The following CABIN1 variants were observed in gnomAD, a reference collection of about 807,000 sequenced individuals.
The protein encoded by CABIN1 is calcineurin binding protein 1, also known as calcineurin-binding protein cabin-1.
CABIN1 carries 133 observed loss-of-function variants against 227.7 expected under a neutral mutation model. The observed-to-expected ratio is 0.58, with a 90% CI of 0.51 to 0.67. The LOEUF (loss-of-function observed/expected upper bound fraction) is 0.67, where lower values mean the gene tolerates loss of function less well. Ranked by LOEUF, CABIN1 falls within the 30% of genes least tolerant of loss-of-function variation. CABIN1 has a pLI of 0.00. For synonymous variants in CABIN1, 1,086 were observed against 1,155.1 expected, an observed-to-expected ratio of 0.94 and a Z score of 1.21; for missense variants, 2,408 against 2,852.5, an observed-to-expected ratio of 0.84 and a Z score of 3.55.
At chr22:24,128,409 G>A (rs1307631235) in intron 28 of CABIN1, among the ~76,000 whole-genome samples, 1 of 152,148 alleles carries the variant, frequency 6.6e-6, no homozygotes, top group African/African-American at 2.4e-5. Context: ...GGAATGGTTG[G>A]CTTTAAGTCT....
At chr22:24,176,721 C>T (rs1267717986) in intron 35 of CABIN1, among the ~76,000 whole-genome samples, 3 of 152,156 alleles carry the variant, frequency 2.0e-5, no homozygotes, top group Non-Finnish European at 4.4e-5. Context: ...CAGGCGTCCC[C>T]GTCGACAGCC....
Position 24,024,240 on chromosome 22 carries a change from A to G in CABIN1, c.-74-11204A>G, listed in dbSNP as rs555400618. ...TTTAAGTTTTAGGGTACATGTGCAC[A>G]TTGTGCAGGTTAGTTACATATGTAT... On this transcript the variant is annotated intron_variant, in intron 1 of 36. Coordinates refer to ENST00000263119, the MANE Select transcript of CABIN1 (RefSeq NM_012295.4). 1.5e-3 allele frequency among the ~76,000 whole-genome samples: 221 copies of G among 152,122 alleles called. 1 individual carries two copies. Among genetic ancestry groups the G allele is most frequent in the Middle Eastern group, 3.4e-3 (1 of 292 alleles).
intron 28 of CABIN1, among the ~76,000 whole-genome samples, chr22:24,128,209 T>C (rs2043852366): frequency 6.6e-6 from 1 of 151,492 alleles, no homozygotes; most frequent in African/African-American, 2.4e-5. Flanking sequence ...CACAGAAATG[T>C]ATGCAAATGT....
chr22:24,111,770 A>C (rs954035458), intron 26 of CABIN1, among the ~76,000 whole-genome samples: 1 of 152,234 alleles, frequency 6.6e-6, no homozygotes, highest in African/African-American at 2.4e-5. Flanking sequence ...AAGTCAAAAA[A>C]ATTTTAAGTT....
chr22:24,029,959 C>T (rs8137455), intron 1 of CABIN1, among the ~76,000 whole-genome samples: 2,453 of 152,286 alleles, frequency 0.016, 79 homozygotes, highest in African/African-American at 0.056. Context: ...AATCACCTAA[C>T]GTGGCAAGCC....
At chr22:24,066,913 C>CA (rs923888520) in intron 15 of CABIN1, 74 bp from the exon 16 acceptor site, 2 of 1,459,044 alleles carry the variant, frequency 1.4e-6, no homozygotes, top group African/African-American at 2.8e-5. Flanking sequence ...CTGATAAAAA[C>CA]AAACACTGGC....
At chr22:24,038,037 C>G (rs1165354962) in intron 3 of CABIN1, among the ~76,000 whole-genome samples, 1 of 152,122 alleles carries the variant, frequency 6.6e-6, no homozygotes, top group Non-Finnish European at 1.5e-5. Context: ...GCTTCCGTGC[C>G]CTCTCCAGGT....
chr22:24,156,121 G>A, intron 29 of CABIN1: 1 of 401,960 alleles, frequency 2.5e-6, no homozygotes, highest in South Asian at 8.9e-5. Flanking sequence ...GGCCGGGACT[G>A]GGGCCGGGGC....
intron 29 of CABIN1, among the ~76,000 whole-genome samples, chr22:24,159,351 G>A (rs2046019144): frequency 6.6e-6 from 1 of 152,244 alleles, no homozygotes; most frequent in Admixed American, 6.5e-5. Flanking sequence ...ACCAGGCCGG[G>A]CCAAGCCCAA....
intron 28 of CABIN1, among the ~76,000 whole-genome samples, chr22:24,133,860 T>C (rs1265317171): frequency 6.6e-6 from 1 of 152,164 alleles, no homozygotes; most frequent in African/African-American, 2.4e-5. Context: ...ACCTAAGCAC[T>C]GTGGCCAGAG....
At chr22:24,116,989 CACGCAGCTAGGG>C (rs2043123882) in intron 27 of CABIN1, among the ~76,000 whole-genome samples, 1 of 152,222 alleles carries the variant, frequency 6.6e-6, no homozygotes, top group Admixed American at 6.5e-5. Context: ...TTCTCATCTT[CACGCAGCTAGGG>C]TTAGAATTGG....
rs755891283 is a variant in CABIN1 at position 24,098,057 on chromosome 22, G to A, written c.3982G>A (p.Gly1328Arg). Residue 1328 changes from glycine (G) to arginine (R), a missense_variant, in exon 26 of 37, where the codon GGG becomes AGG. Transcript: ENST00000263119. Reference sequence around the variant, plus strand: ...GGACGAGGACTCCCACTCTTCAGCTGGGACACTGCCGGGCCCCGGAGCCTC... The same window carrying A: ...GGACGAGGACTCCCACTCTTCAGCTAGGACACTGCCGGGCCCCGGAGCCTC... The part of the protein sequence containing the change: ...LVDEDSHSSA[G>R]TLPGPGASLP... 6.2e-7 allele frequency: 1 copy of A among 1,614,208 alleles called. No individual in the cohort carries two copies. The highest frequency in any genetic ancestry group is 8.5e-7 in the Non-Finnish European group (1 of 1,180,036).
At chr22:24,080,183 AAG>A (rs2146967785) in intron 19 of CABIN1, among the ~76,000 whole-genome samples, 1 of 152,202 alleles carries the variant, frequency 6.6e-6, no homozygotes, top group South Asian at 2.1e-4. Flanking sequence ...CCATTTTTTG[AAG>A]AGTCTGTTCT....
chr22:24,056,501 A>G, intron 10 of CABIN1, 141 bp downstream of exon 10: 2 of 833,020 alleles, frequency 2.4e-6, no homozygotes, highest in Non-Finnish European at 3.9e-6. Context: ...AGATGTCTGA[A>G]GCACAAATCT....
At chr22:24,021,905 G>A (rs988187102) in intron 1 of CABIN1, among the ~76,000 whole-genome samples, 12 of 151,948 alleles carry the variant, frequency 7.9e-5, no homozygotes, top group African/African-American at 2.4e-4. Flanking sequence ...GGCTGGTCTC[G>A]AATCCCCGAC....
In CABIN1 at chr22:24,047,167, A is replaced by G. The variant is rs1601774517; in HGVS notation, c.527-1924A>G. Among the ~76,000 whole-genome samples, 4 of 152,348 alleles carry G rather than the reference A, an allele frequency of 2.6e-5. 1 individual carries two copies. Among genetic ancestry groups the G allele is most frequent in the Admixed American group, 2.6e-4 (4 of 15,306 alleles). ...ATAGACACATACAATTAATCATAAC[A>G]GGGACTGAACTGATACATACACCTG... is the stretch of plus-strand genomic sequence containing the variant. On this transcript the variant is annotated intron_variant, in intron 6 of 36. Coordinates refer to ENST00000263119, the MANE Select transcript of CABIN1 (RefSeq NM_012295.4).
At chr22:24,016,129 T>G (rs2035266528) in intron 1 of CABIN1, among the ~76,000 whole-genome samples, 2 of 152,216 alleles carry the variant, frequency 1.3e-5, no homozygotes, top group Non-Finnish European at 2.9e-5. Flanking sequence ...CCCTGATCCA[T>G]TAGCAATTAG....
At chr22:24,137,981 C>T (rs1323935255) in intron 29 of CABIN1, among the ~76,000 whole-genome samples, 1 of 152,140 alleles carries the variant, frequency 6.6e-6, no homozygotes, top group Non-Finnish European at 1.5e-5. Flanking sequence ...GGTGCTGGCC[C>T]TTGAGAGGAG....
chr22:24,089,348 C>T (rs1417745784), intron 23 of CABIN1, among the ~76,000 whole-genome samples: 2 of 152,142 alleles, frequency 1.3e-5, no homozygotes, highest in Non-Finnish European at 2.9e-5. Flanking sequence ...TTGCTTTGTT[C>T]TTTCCTCTAC....
Sources: gnomAD v4.1 joint callset for allele counts (sites outside exome capture counted in the v4.1 genomes callset) on GRCh38, gnomAD v4.1.1 for gene constraint, MANE v1.5 for transcripts, NCBI Gene and HGNC (gene_info 2026-07-23, HGNC 2026-07-21) for gene names.